ASAP2: variants seen among roughly 807,000 people sequenced by gnomAD.
The protein encoded by ASAP2 is arf-GAP with SH3 domain, ANK repeat and PH domain-containing protein 2.
ASAP2 carries 45 observed loss-of-function variants against 131.4 expected under a neutral mutation model. That is an observed-to-expected ratio of 0.34 (90% CI 0.27 to 0.44). ASAP2 has a LOEUF of 0.44. ASAP2 is among the 20% of genes least tolerant of loss of function. The pLI is 1.00. For synonymous variants in ASAP2, 510 were observed against 503.0 expected (o/e 1.01, Z -0.19); for missense variants, 1,011 against 1,297.0 (o/e 0.78, Z 3.39).
At chr2:9,331,039 G>C (rs1290948915) in intron 7 of ASAP2, among the ~76,000 whole-genome samples, 1 of 152,242 alleles carries the variant, frequency 6.6e-6, no homozygotes, top group African/African-American at 2.4e-5. Flanking sequence ...TCGCAGCCGT[G>C]CGTGTTTCCA....
chr2:9,246,802 T>A (rs1664367838), intron 1 of ASAP2, among the ~76,000 whole-genome samples: 1 of 152,236 alleles, frequency 6.6e-6, no homozygotes, highest in Non-Finnish European at 1.5e-5. Flanking sequence ...TCCTGGCTTC[T>A]ACACAAGCCT....
At chr2:9,357,442 G>A (rs544899819) in intron 14 of ASAP2, among the ~76,000 whole-genome samples, 3 of 152,258 alleles carry the variant, frequency 2.0e-5, no homozygotes, top group Admixed American at 2.0e-4. Flanking sequence ...TCACGCCACT[G>A]CACTCCAGCC....
At chr2:9,351,010 C>T (rs1041725014) in intron 12 of ASAP2, 115 bp downstream of exon 12, 7 of 759,110 alleles carry the variant, frequency 9.2e-6, no homozygotes, top group African/African-American at 5.2e-5. Flanking sequence ...AAGAGACATA[C>T]CCTTTTTCTA....
intron 1 of ASAP2, among the ~76,000 whole-genome samples, chr2:9,211,332 A>G (rs573151798): frequency 5.0e-4 from 76 of 152,314 alleles, no homozygotes; most frequent in Admixed American, 1.2e-3. Flanking sequence ...AATAATGGAA[A>G]AAATAAGCAG....
chr2:9,302,103 G>A (rs1350179648), intron 3 of ASAP2, among the ~76,000 whole-genome samples: 58 of 144,778 alleles, frequency 4.0e-4, no homozygotes, highest in African/African-American at 1.1e-3. Flanking sequence ...GATTACAGGC[G>A]TGAGCCACCG....
At chr2:9,387,078 T>TGG (rs1000294609) in intron 21 of ASAP2, among the ~76,000 whole-genome samples, 3 of 141,968 alleles carry the variant, frequency 2.1e-5, no homozygotes, top group East Asian at 4.1e-4. Flanking sequence ...TGGTGGTGGG[T>TGG]GGGGGGGCGC....
chr2:9,242,286 A>G (rs1664028581), intron 1 of ASAP2, among the ~76,000 whole-genome samples: 2 of 152,214 alleles, frequency 1.3e-5, no homozygotes, highest in Non-Finnish European at 2.9e-5. Flanking sequence ...CCTTGCTGAC[A>G]CTGTCAGGAG....
chr2:9,377,455 C>T (rs923799087), intron 18 of ASAP2, among the ~76,000 whole-genome samples: 6 of 152,120 alleles, frequency 3.9e-5, no homozygotes, highest in Admixed American at 2.0e-4. Flanking sequence ...TTGTTTGGGT[C>T]GAGAAGTTGT....
Position 9,356,462 on chromosome 2 carries a change from A to G in ASAP2, c.1327+117A>G, listed in dbSNP as rs1400275951. On this transcript the variant is annotated intron_variant, in intron 14 of 27. Transcript: ENST00000281419. ...TCAAACACGAAATTAAGTGCAGCTC[A>G]GCCTGAGTTCATCCCATTACACAAA... 6 of 1,202,218 alleles carry G rather than the reference A, an allele frequency of 5.0e-6. No homozygotes were observed. The East Asian group carries it at 1.5e-4, about 30-fold the overall frequency. The allele number at this position is 1,202,218 out of a possible 1,614,324, so 74.5% of individuals were successfully genotyped here.
chr2:9,213,058 TAAAC>T (rs1409454634), intron 1 of ASAP2, among the ~76,000 whole-genome samples: 1 of 152,176 alleles, frequency 6.6e-6, no homozygotes, highest in African/African-American at 2.4e-5. Flanking sequence ...TAATCACTGA[TAAAC>T]AGACAGTTAC....
chr2:9,345,501 A>G (rs967700089), intron 11 of ASAP2, among the ~76,000 whole-genome samples: 2 of 152,184 alleles, frequency 1.3e-5, no homozygotes, highest in African/African-American at 2.4e-5. Context: ...TGGCAGCGTT[A>G]TACATACTAT....
intron 1 of ASAP2, among the ~76,000 whole-genome samples, chr2:9,237,177 TA>T (rs35027390): frequency 0.029 from 4,242 of 147,656 alleles, 172 homozygotes; most frequent in Admixed American, 0.087. Context: ...AAAAGAGAGT[TA>T]AAAAAAAAAG....
chr2:9,395,594 CTTTTTTTTTTT>C lies in ASAP2; in HGVS notation c.2684+1968_2684+1978del. Among the ~76,000 whole-genome samples, 28 of 59,046 alleles carry C rather than the reference CTTTTTTTTTTT, an allele frequency of 4.7e-4. No homozygotes were observed. The East Asian group carries it at 7.8e-3, about 17-fold the overall frequency. The allele number at this position is 59,046 out of a possible 152,430, so 38.7% of individuals were successfully genotyped here. A position where few individuals can be genotyped will look rare whatever the true frequency, so the allele number is the denominator to read the frequency against. On this transcript the variant is annotated intron_variant, in intron 24 of 27. Transcript: ENST00000281419. The stretch of plus-strand genomic sequence containing the variant: ...GTTTTGTTTTTCTTGTGTTTTTTTT[CTTTTTTTTTTT>C]TTTTTTTTTTTTTTTTTTTTGAGAT...
intron 11 of ASAP2, among the ~76,000 whole-genome samples, chr2:9,348,379 C>A (rs1672111217): frequency 6.6e-6 from 1 of 152,192 alleles, no homozygotes; most frequent in African/African-American, 2.4e-5. Context: ...CCTGCCTCAG[C>A]CTCCCAAAGT....
intron 1 of ASAP2, among the ~76,000 whole-genome samples, chr2:9,247,389 C>T (rs964561303): frequency 1.4e-4 from 22 of 152,190 alleles, no homozygotes; most frequent in South Asian, 2.1e-4. Flanking sequence ...CTCATTTGCA[C>T]GAGGCGAATC....
At chr2:9,398,161 G>C (rs890006513) in intron 24 of ASAP2, among the ~76,000 whole-genome samples, 1 of 151,878 alleles carries the variant, frequency 6.6e-6, no homozygotes, top group Non-Finnish European at 1.5e-5. Flanking sequence ...ATGTAGTCTG[G>C]GGCTGCTTTC....
At chr2:9,348,114 G>A (rs142010601) in intron 11 of ASAP2, among the ~76,000 whole-genome samples, 21 of 36,088 alleles carry the variant, frequency 5.8e-4, no homozygotes, top group African/African-American at 1.1e-3. Context: ...ACACTTTTTT[G>A]TCTGTTTGTT....
rs535136380 is a variant in ASAP2 at position 9,271,296 on chromosome 2, G to A, written c.127-8021G>A. On this transcript the variant is annotated intron_variant, in intron 1 of 27. Coordinates refer to ENST00000281419, the MANE Select transcript of ASAP2 (RefSeq NM_003887.3). Reference sequence around the variant, plus strand: ...TGAGCCACAAGCATTTAAACCCCATGAATCTTCAGCTGATCGTCCTTAGCC... The same window carrying A: ...TGAGCCACAAGCATTTAAACCCCATAAATCTTCAGCTGATCGTCCTTAGCC... The A allele has an allele frequency of 2.8e-4, 227 of 821,240 alleles. 3 individuals carry two copies. The highest frequency in any genetic ancestry group is 2.7e-3 in the South Asian group (193 of 71,474). The allele number at this position is 821,240 out of a possible 1,614,324, so 50.9% of individuals were successfully genotyped here. A position where few individuals can be genotyped will look rare whatever the true frequency, so the allele number is the denominator to read the frequency against.
chr2:9,359,739 A>T (rs1672966042), intron 15 of ASAP2, among the ~76,000 whole-genome samples: 1 of 152,210 alleles, frequency 6.6e-6, no homozygotes, highest in East Asian at 1.9e-4. Context: ...CATCAGTCTT[A>T]TTGATGACTT....
Sources: allele counts gnomAD v4.1 joint callset (sites outside exome capture counted in the v4.1 genomes callset), GRCh38; gene constraint gnomAD v4.1.1; transcripts MANE v1.5; gene names NCBI Gene and HGNC (gene_info 2026-07-23, HGNC 2026-07-21).